Variants in SGIP1 observed in about 807,000 individuals in gnomAD.
SGIP1 encodes the protein SH3-containing GRB2-like protein 3-interacting protein 1.
SGIP1 carries 38 observed loss-of-function variants against 107.5 expected under a neutral mutation model. The ratio of observed to expected loss-of-function variants is 0.35; its 90% CI spans 0.27 to 0.46. The LOEUF (loss-of-function observed/expected upper bound fraction) is 0.46, where lower values mean the gene tolerates loss of function less well. Ranked by LOEUF, SGIP1 falls within the 20% of genes least tolerant of loss-of-function variation. The probability of loss-of-function intolerance (pLI) is 1.00; values close to 1 mark genes in which losing one functional copy is unlikely to be tolerated. For missense variants in SGIP1, 929 were observed against 1,019.5 expected (o/e 0.91, Z 1.21); for synonymous variants, 365 against 366.1 (o/e 1.00, Z 0.03).
intron 1 of SGIP1, among the ~76,000 whole-genome samples, chr1:66,545,398 C>T (rs1286964275): frequency 6.6e-6 from 1 of 152,176 alleles, no homozygotes; most frequent in Non-Finnish European, 1.5e-5. Flanking sequence ...GAAGCCTTCA[C>T]ATATGCAGCA....
intron 15 of SGIP1, among the ~76,000 whole-genome samples, chr1:66,683,519 C>T (rs2087299516): frequency 6.6e-6 from 1 of 152,080 alleles, no homozygotes; most frequent in African/African-American, 2.4e-5. Context: ...CCGTACTGCA[C>T]ACAAAACCAG....
intron 7 of SGIP1, among the ~76,000 whole-genome samples, chr1:66,648,578 A>G (rs2078097536): frequency 6.6e-6 from 1 of 152,092 alleles, no homozygotes; most frequent in Non-Finnish European, 1.5e-5. Context: ...TTTTTTCCAG[A>G]ACAACACTGC....
chr1:66,723,805 A>G (rs770065432), intron 19 of SGIP1, among the ~76,000 whole-genome samples: 1 of 152,224 alleles, frequency 6.6e-6, no homozygotes, highest in Admixed American at 6.5e-5. Flanking sequence ...TTGCCTTCCC[A>G]GAACCTATGA....
At chr1:66,668,041 G>A (rs113941341) in intron 9 of SGIP1, among the ~76,000 whole-genome samples, 4 of 152,264 alleles carry the variant, frequency 2.6e-5, no homozygotes, top group African/African-American at 9.6e-5. Context: ...CATCTTGGGA[G>A]AGGGAGACAC....
intron 4 of SGIP1, among the ~76,000 whole-genome samples, chr1:66,636,573 A>G (rs1427169416): frequency 6.6e-6 from 1 of 152,230 alleles, no homozygotes; most frequent in African/African-American, 2.4e-5. Context: ...ACACATTTCA[A>G]GTACTTCATA....
chr1:66,634,580 C>T (rs993664564), intron 3 of SGIP1, among the ~76,000 whole-genome samples: 1 of 152,202 alleles, frequency 6.6e-6, no homozygotes, highest in African/African-American at 2.4e-5. Context: ...AAGTCCTTCA[C>T]CATTCCAAAT....
rs908358824 is a variant in SGIP1, at chr1:66,744,870, G to A, written c.*1775G>A. ...AACGAACTAAATATACTCATTTTAT[G>A]TAAAGGTATCCAATTTGATTTTGAA... is the stretch of plus-strand genomic sequence containing the variant. On this transcript the variant is annotated 3_prime_UTR_variant, in exon 25 of 25. Coordinates refer to ENST00000371037, the MANE Select transcript of SGIP1 (RefSeq NM_032291.4). The A allele has an allele frequency of 1.3e-5, 2 of 152,340 alleles. No homozygotes were observed. The highest frequency in any genetic ancestry group is 2.9e-5 in the Non-Finnish European group (2 of 67,886). 9.4% of individuals were successfully genotyped at this position (152,340 alleles called of 1,614,324 possible). A position where few individuals can be genotyped will look rare whatever the true frequency, so the allele number is the denominator to read the frequency against.
rs538337482 is a variant in SGIP1, at chr1:66,630,367, TG to T, written c.75-2701del. ...TGCTGTTCCCAAAGGCATCTCCACA[TG>T]GATCAGTGCCTCTAAACACATCCTA... On this transcript the variant is annotated intron_variant, in intron 2 of 24. Transcript: ENST00000371037. Among the ~76,000 whole-genome samples the T allele has an allele frequency of 6.4e-3, 977 of 152,312 alleles. 12 individuals are homozygous for T. Among genetic ancestry groups the T allele is most frequent in the African/African-American group, 0.022 (917 of 41,560 alleles).
rs1245218568 is a variant in SGIP1, at chr1:66,749,750, AT to A, written c.*6663del. ...ATTCAGTTTTACATTACTTTTATGAATTTTTTTTCTCGCAAAGTAAATGCTT... is the reference window on the plus strand; with the variant it reads ...ATTCAGTTTTACATTACTTTTATGAATTTTTTTCTCGCAAAGTAAATGCTT... On this transcript the variant is annotated 3_prime_UTR_variant, in exon 25 of 25. Coordinates refer to ENST00000371037, the MANE Select transcript of SGIP1 (RefSeq NM_032291.4). Among the ~76,000 whole-genome samples, 13 of 151,820 alleles carry A rather than the reference AT, an allele frequency of 8.6e-5. No individual in the cohort carries two copies. Among genetic ancestry groups the A allele is most frequent in the South Asian group, 2.1e-4 (1 of 4,816 alleles).
intron 22 of SGIP1, among the ~76,000 whole-genome samples, chr1:66,740,113 C>A (rs1321455782): frequency 1.3e-5 from 2 of 152,148 alleles, no homozygotes; most frequent in Non-Finnish European, 2.9e-5. Flanking sequence ...ACCCTAACTG[C>A]AAAGGCCTCT....
At chr1:66,595,317 A>G (rs1570300477) in intron 1 of SGIP1, among the ~76,000 whole-genome samples, 1 of 151,976 alleles carries the variant, frequency 6.6e-6, no homozygotes, top group African/African-American at 2.4e-5. Flanking sequence ...GCCTGAACTC[A>G]CCCTCCAAAT....
chr1:66,542,487 G>A (rs1378554058), intron 1 of SGIP1, among the ~76,000 whole-genome samples: 1 of 152,094 alleles, frequency 6.6e-6, no homozygotes, highest in Non-Finnish European at 1.5e-5. Context: ...CATTGACCTT[G>A]AACACAGGCA....
In SGIP1 at chr1:66,534,186, C is replaced by T. The variant is rs553588069; in HGVS notation, c.-173C>T. On this transcript the variant is annotated 5_prime_UTR_variant, in exon 1 of 25. Transcript: ENST00000371037. Reference sequence around the variant, plus strand: ...GGTAGCCTGCCTGTAGGTGAAGAAGCACCAGCAGCATCCATGGCCTGTCTT... The same window carrying T: ...GGTAGCCTGCCTGTAGGTGAAGAAGTACCAGCAGCATCCATGGCCTGTCTT... 1.3e-3 allele frequency: 819 copies of T among 653,408 alleles called. 12 individuals carry two copies. The South Asian group carries it at 0.015, about 12-fold the overall frequency. The allele number at this position is 653,408 out of a possible 1,614,324, so 40.5% of individuals were successfully genotyped here.
intron 8 of SGIP1, among the ~76,000 whole-genome samples, chr1:66,664,909 T>C (rs927191417): frequency 1.3e-5 from 2 of 152,208 alleles, no homozygotes; most frequent in South Asian, 4.1e-4. Flanking sequence ...GCAGCCATAA[T>C]CAAGATTTGA....
intron 14 of SGIP1, among the ~76,000 whole-genome samples, chr1:66,680,695 C>T (rs1231668935): frequency 6.6e-6 from 1 of 152,214 alleles, no homozygotes; most frequent in African/African-American, 2.4e-5. Context: ...AATATACCTA[C>T]TAGCACAAGA....
At position 66,649,037 on chromosome 1, in the gene SGIP1, A is replaced by G. The variant is rs564676123; in HGVS notation, c.459+5318A>G. Among the ~76,000 whole-genome samples, 4 of 152,330 alleles carry G rather than the reference A, an allele frequency of 2.6e-5. No individual in the cohort carries two copies. In the East Asian group the frequency reaches 7.7e-4, roughly 29 times the overall value. ...TTACTTAACCTAGATTCTTTTAAAA[A>G]AACCACTTCTCCTTTTTTGAGGGTC... is the stretch of plus-strand genomic sequence containing the variant. On this transcript the variant is annotated intron_variant, in intron 7 of 24. Coordinates refer to ENST00000371037, the MANE Select transcript of SGIP1 (RefSeq NM_032291.4).
At chr1:66,724,939 C>T (rs2093690562) in intron 19 of SGIP1, among the ~76,000 whole-genome samples, 1 of 152,146 alleles carries the variant, frequency 6.6e-6, no homozygotes, top group Non-Finnish European at 1.5e-5. Context: ...TTTCTAATAG[C>T]TGCCAAACAA....
At chr1:66,536,565 G>T (rs893659575) in intron 1 of SGIP1, among the ~76,000 whole-genome samples, 9 of 152,116 alleles carry the variant, frequency 5.9e-5, no homozygotes, top group Admixed American at 1.3e-4. Context: ...TGAAGGTGTG[G>T]TATATAATTA....
At chr1:66,652,698 C>G (rs1171683979) in intron 7 of SGIP1, among the ~76,000 whole-genome samples, 1 of 151,846 alleles carries the variant, frequency 6.6e-6, no homozygotes, top group African/African-American at 2.4e-5. Context: ...GTAACACCAC[C>G]CCCTTTCCTG....
Sources: allele counts gnomAD v4.1 joint callset (sites outside exome capture counted in the v4.1 genomes callset), GRCh38; gene constraint gnomAD v4.1.1; transcripts MANE v1.5; gene names NCBI Gene and HGNC (gene_info 2026-07-23, HGNC 2026-07-21).